The following SLC9A1 variants were observed in gnomAD, a reference collection of about 807,000 sequenced individuals.
SLC9A1 encodes sodium/hydrogen exchanger 1.
SLC9A1 carries 22 observed loss-of-function variants against 67.9 expected under a neutral mutation model. The observed-to-expected ratio is 0.32, with a 90% confidence interval of 0.23 to 0.46. SLC9A1 has a LOEUF of 0.46. Ranked by LOEUF, SLC9A1 falls within the 20% of genes least tolerant of loss-of-function variation. SLC9A1 has a pLI of 1.00. For missense variants in SLC9A1, 686 were observed against 1,094.8 expected (o/e 0.63, Z 5.27); for synonymous variants, 421 against 471.8 (o/e 0.89, Z 1.40).
At chr1:27,145,086 A>G (rs1219209577) in intron 1 of SLC9A1, among the ~76,000 whole-genome samples, 4 of 152,094 alleles carry the variant, frequency 2.6e-5, no homozygotes, top group Non-Finnish European at 2.9e-5. Flanking sequence ...AAAAAAAAAA[A>G]AAAAGAAAGT....
rs573689057 is a variant in SLC9A1, at chr1:27,133,155, T to C, written c.353-18869A>G. ...TGATCTCAGCTCACTGCAACCTCCG[T>C]CTCCTGGGTTCAAGCGATTCTTGTG... On this transcript the variant is annotated intron_variant, in intron 1 of 11. Coordinates refer to ENST00000263980, the MANE Select transcript of SLC9A1 (RefSeq NM_003047.5). 3.2e-4 allele frequency among the ~76,000 whole-genome samples: 49 copies of C among 151,904 alleles called. No homozygotes were observed. The South Asian group carries it at 1.0e-2, about 31-fold the overall frequency.
intron 1 of SLC9A1, among the ~76,000 whole-genome samples, chr1:27,144,686 G>A (rs1259089863): frequency 6.6e-6 from 1 of 152,174 alleles, no homozygotes; most frequent in South Asian, 2.1e-4. Flanking sequence ...AATATTTATG[G>A]AGCCTTTACT....
At chr1:27,110,682 A>T (rs548708651) in intron 2 of SLC9A1, among the ~76,000 whole-genome samples, 2 of 152,346 alleles carry the variant, frequency 1.3e-5, no homozygotes, top group East Asian at 3.9e-4. Flanking sequence ...ACAACACGCC[A>T]GGGGGCCCCC....
chr1:27,123,208 A>G (rs563161488), intron 1 of SLC9A1, among the ~76,000 whole-genome samples: 1 of 152,292 alleles, frequency 6.6e-6, no homozygotes, highest in African/African-American at 2.4e-5. Flanking sequence ...TTTTTCTAAC[A>G]GTCATATAAG....
Position 27,109,478 on chromosome 1 carries a change from C to T in SLC9A1, c.1064+49G>A, listed in dbSNP as rs547210665. ...GAGCCTGGGGAATCCAAGCTGGCAG[C>T]CCCCGCCCCCACCCCGCCAAGCCCA... On this transcript the variant is annotated intron_variant, in intron 3 of 11. Transcript: ENST00000263980. This position sits in a 1 kb window ranked among gnomAD's most constrained non-coding sequence, Gnocchi z 5.5. 3.5e-5 allele frequency: 56 copies of T among 1,591,970 alleles called. No individual in the cohort carries two copies. The highest frequency in any genetic ancestry group is 8.4e-5 in the Admixed American group (5 of 59,786).
chr1:27,155,097 C>G lies in SLC9A1; in HGVS notation c.-763G>C, dbSNP rs1314521834. ...CTCCTGGTCCAGCTCCAGAACTAACCCTAGCCCCGGCCCCGGCGGCAGCAG... is the reference window on the plus strand; with the variant it reads ...CTCCTGGTCCAGCTCCAGAACTAACGCTAGCCCCGGCCCCGGCGGCAGCAG... On this transcript the variant is annotated 5_prime_UTR_variant, in exon 1 of 12. Coordinates refer to ENST00000263980, the MANE Select transcript of SLC9A1 (RefSeq NM_003047.5). The surrounding 1 kb of genome is among the most constrained non-coding windows in gnomAD (Gnocchi z 4.5). 6.6e-6 allele frequency among the ~76,000 whole-genome samples: 1 copy of G among 152,068 alleles called. No individual in the cohort carries two copies. The highest frequency in any genetic ancestry group is 1.5e-5 in the Non-Finnish European group (1 of 67,992).
At chr1:27,103,461 A>C in intron 5 of SLC9A1, 149 bp from the exon 6 acceptor site, 1 of 653,630 alleles carries the variant, frequency 1.5e-6, no homozygotes, top group Non-Finnish European at 2.8e-6. Flanking sequence ...GAACTCTCCC[A>C]CCTCCCAGCA....
At chr1:27,147,299 CAAAAAA>C (rs57583944) in intron 1 of SLC9A1, among the ~76,000 whole-genome samples, 8 of 43,958 alleles carry the variant, frequency 1.8e-4, no homozygotes, top group Non-Finnish European at 2.4e-4. Flanking sequence ...GACTCTGTCT[CAAAAAA>C]AAAAAAAAAA....
At chr1:27,145,511 T>C (rs926978077) in intron 1 of SLC9A1, among the ~76,000 whole-genome samples, 1 of 152,226 alleles carries the variant, frequency 6.6e-6, no homozygotes, top group African/African-American at 2.4e-5. Context: ...ATGCAAGTGT[T>C]AGCTATTTAT....
chr1:27,126,429 A>T (rs761129402), intron 1 of SLC9A1, among the ~76,000 whole-genome samples: 3 of 152,098 alleles, frequency 2.0e-5, no homozygotes, highest in Non-Finnish European at 4.4e-5. Context: ...GAACCACAAG[A>T]TGTTGTCGGG....
chr1:27,128,329 G>A (rs886299030), intron 1 of SLC9A1, among the ~76,000 whole-genome samples: 1 of 152,286 alleles, frequency 6.6e-6, no homozygotes, highest in African/African-American at 2.4e-5. Flanking sequence ...GGAGAGAACA[G>A]AGACAGAAAC....
At chr1:27,131,947 A>AAAAAAAAAAAAAAAAATATATATATAT in intron 1 of SLC9A1, among the ~76,000 whole-genome samples, 7 of 52,116 alleles carry the variant, frequency 1.3e-4, no homozygotes, top group African/African-American at 4.5e-4. Flanking sequence ...AGAAAAAAAA[A>AAAAAAAAAAAAAAAAATATATATATAT]ATATATATAT....
chr1:27,105,510 C>T lies in SLC9A1; in HGVS notation c.1485+375G>A, dbSNP rs957944210. ...ACGGGGTTTCACCATGTTAGTCAGG[C>T]TGGTCTCAAACTCCTGACCTCAGGT... is the stretch of plus-strand genomic sequence containing the variant. On this transcript the variant is annotated intron_variant, in intron 5 of 11. Transcript: ENST00000263980. 7 of 584,234 alleles carry T rather than the reference C, an allele frequency of 1.2e-5. No homozygotes were observed. In the African/African-American group the frequency reaches 1.3e-4, roughly 11 times the overall value. The allele number at this position is 584,234 out of a possible 1,614,324, so 36.2% of individuals were successfully genotyped here. A position where few individuals can be genotyped will look rare whatever the true frequency, so the allele number is the denominator to read the frequency against.
chr1:27,153,960 G>C (rs2124224059), intron 1 of SLC9A1, 23 bp downstream of exon 1: 1 of 1,478,080 alleles, frequency 6.8e-7, no homozygotes, highest in East Asian at 2.3e-5. Flanking sequence ...GGCGGCCGCA[G>C]CATCGGAGCA....
intron 1 of SLC9A1, among the ~76,000 whole-genome samples, chr1:27,126,223 C>T (rs1318186267): frequency 2.0e-5 from 3 of 150,916 alleles, no homozygotes; most frequent in East Asian, 1.9e-4. Flanking sequence ...GCTTTCTGAC[C>T]GTTCCCCACC....
chr1:27,102,580 C>A, intron 7 of SLC9A1, 22 bp from the exon 8 acceptor site: 1 of 1,608,860 alleles, frequency 6.2e-7, no homozygotes, highest in Non-Finnish European at 8.5e-7. Context: ...AGGAGGGAGA[C>A]GGATGGCGCC....
At chr1:27,131,078 A>G in intron 1 of SLC9A1, among the ~76,000 whole-genome samples, 1 of 152,182 alleles carries the variant, frequency 6.6e-6, no homozygotes, top group East Asian at 1.9e-4. Context: ...GTGTGATCCC[A>G]CACATGGCAC....
Position 27,107,773 on chromosome 1 carries a change from C to T in SLC9A1, c.1157G>A (p.Trp386Ter). Residue 386 changes from tryptophan (W) to a stop codon, truncating the protein, a stop_gained, in exon 4 of 12, where the codon TGG becomes TAG. Coordinates refer to ENST00000263980, the MANE Select transcript of SLC9A1 (RefSeq NM_003047.5). LOFTEE classifies it high-confidence loss of function. ...GATGAGGGTCTCGCTGACGCTGCTC[C>T]ACATCTTCAGGAAGTATTTGATGGT... ...HTTIKYFLKM[W>*]SSVSETLIFI... The T allele has an allele frequency of 6.2e-7, 1 of 1,606,946 alleles. No individual in the cohort carries two copies. The highest frequency in any genetic ancestry group is 1.1e-5 in the South Asian group (1 of 89,228).
rs1050030918 is a variant in SLC9A1 at position 27,154,490 on chromosome 1, G to A, written c.-156C>T. On this transcript the variant is annotated 5_prime_UTR_variant, in exon 1 of 12. Transcript: ENST00000263980. ...CATTTCCATGGAAGCAATTTTCTGG[G>A]GGTGGAGGGAGGCTGGGTTTGCAAT... 5.0e-5 allele frequency: 27 copies of A among 535,064 alleles called. No homozygotes were observed. The highest frequency in any genetic ancestry group is 8.1e-5 in the Non-Finnish European group (25 of 308,766). The allele number at this position is 535,064 out of a possible 1,614,324, so 33.1% of individuals were successfully genotyped here.
Sources: gnomAD v4.1 joint callset for allele counts (sites outside exome capture counted in the v4.1 genomes callset) on GRCh38, gnomAD v4.1.1 for gene constraint, Gnocchi (gnomAD v3.1) non-coding constraint, MANE v1.5 for transcripts, NCBI Gene and HGNC (gene_info 2026-07-23, HGNC 2026-07-21) for gene names.